Variants in VEPH1 observed in about 807,000 individuals in gnomAD.
The protein encoded by VEPH1 is ventricular zone expressed PH domain containing 1, also known as ventricular zone-expressed PH domain-containing protein homolog 1.
A neutral mutation model predicts 85.2 loss-of-function variants in VEPH1; 80 were observed. That is an observed-to-expected ratio of 0.94 (90% CI 0.78 to 1.13). The LOEUF (loss-of-function observed/expected upper bound fraction) is 1.13, where lower values mean the gene tolerates loss of function less well. Among genes scored for constraint, VEPH1 ranks in the 50% most tolerant of loss-of-function variants. VEPH1 has a pLI of 0.00. For missense variants in VEPH1, 955 were observed against 980.5 expected (o/e 0.97, Z 0.35); for synonymous variants, 297 against 348.0 (o/e 0.85, Z 1.63).
At chr3:157,430,398 T>C (rs1337542519) in intron 4 of VEPH1, among the ~76,000 whole-genome samples, 1 of 152,248 alleles carries the variant, frequency 6.6e-6, no homozygotes, top group Non-Finnish European at 1.5e-5. Flanking sequence ...CAAGAAGCTC[T>C]CCTTCATTTA....
intron 11 of VEPH1, among the ~76,000 whole-genome samples, chr3:157,300,178 T>C (rs1371310698): frequency 6.6e-6 from 1 of 152,018 alleles, no homozygotes; most frequent in Non-Finnish European, 1.5e-5. Context: ...ATATCCATGA[T>C]AGCAGCAAAA....
At chr3:157,479,040 T>C (rs906155262) in intron 2 of VEPH1, among the ~76,000 whole-genome samples, 39 of 152,078 alleles carry the variant, frequency 2.6e-4, no homozygotes, top group African/African-American at 9.2e-4. Context: ...CAAAAAAAAA[T>C]TTTAACCTGT....
chr3:157,491,033 A>T (rs763255128), intron 2 of VEPH1, among the ~76,000 whole-genome samples: 1 of 152,210 alleles, frequency 6.6e-6, no homozygotes, highest in East Asian at 1.9e-4. Context: ...AAGTTTAAAA[A>T]TACAAAATAC....
At chr3:157,423,311 C>G (rs868830193) in intron 5 of VEPH1, among the ~76,000 whole-genome samples, 1 of 152,210 alleles carries the variant, frequency 6.6e-6, no homozygotes, top group African/African-American at 2.4e-5. Context: ...ATTCCCCAGT[C>G]CTCTGCCTGA....
intron 9 of VEPH1, among the ~76,000 whole-genome samples, chr3:157,332,932 A>C (rs1288741801): frequency 6.6e-6 from 1 of 152,188 alleles, no homozygotes; most frequent in Non-Finnish European, 1.5e-5. Context: ...TCACTTTTCC[A>C]GTCACCTGAT....
chr3:157,377,362 T>C (rs1278377529), intron 7 of VEPH1, among the ~76,000 whole-genome samples: 2 of 151,846 alleles, frequency 1.3e-5, no homozygotes, highest in Non-Finnish European at 2.9e-5. Context: ...TGCATTCTCA[T>C]ACATGCAGAC....
intron 11 of VEPH1, among the ~76,000 whole-genome samples, chr3:157,291,933 ATCTC>A (rs893987651): frequency 1.6e-4 from 24 of 152,226 alleles, no homozygotes; most frequent in African/African-American, 5.3e-4. Flanking sequence ...AAAAAAATCT[ATCTC>A]TCTCTCTATA....
chr3:157,300,718 T>C (rs1718694474), intron 11 of VEPH1, among the ~76,000 whole-genome samples: 1 of 152,178 alleles, frequency 6.6e-6, no homozygotes, highest in African/African-American at 2.4e-5. Flanking sequence ...TAATAGTAAA[T>C]AGAACTGTCA....
intron 9 of VEPH1, among the ~76,000 whole-genome samples, chr3:157,336,571 G>A (rs529141484): frequency 7.2e-5 from 11 of 152,230 alleles, no homozygotes; most frequent in African/African-American, 2.4e-4. Context: ...TCCCCTAAGC[G>A]TATACCTTTT....
chr3:157,353,700 G>T (rs967182220), intron 9 of VEPH1, among the ~76,000 whole-genome samples: 1 of 151,788 alleles, frequency 6.6e-6, no homozygotes, highest in African/African-American at 2.4e-5. Flanking sequence ...TTTCTTGGCT[G>T]GCTCTATTTT....
intron 3 of VEPH1, among the ~76,000 whole-genome samples, chr3:157,463,863 G>C (rs1231096030): frequency 6.6e-6 from 1 of 152,196 alleles, no homozygotes; most frequent in Non-Finnish European, 1.5e-5. Flanking sequence ...GGTCAGAGCA[G>C]AGAGAGATCC....
chr3:157,324,036 T>C (rs1415496867), intron 9 of VEPH1, among the ~76,000 whole-genome samples: 1 of 152,176 alleles, frequency 6.6e-6, no homozygotes, highest in African/African-American at 2.4e-5. Context: ...AAAAGTGCTA[T>C]TTGTTAAAGC....
chr3:157,474,564 T>A (rs1194944455), intron 2 of VEPH1, among the ~76,000 whole-genome samples: 1 of 152,218 alleles, frequency 6.6e-6, no homozygotes, highest in Admixed American at 6.5e-5. Flanking sequence ...GTAAAAAATA[T>A]GCCTAGTACA....
At chr3:157,374,115 G>A (rs1384234412) in intron 7 of VEPH1, among the ~76,000 whole-genome samples, 3 of 152,202 alleles carry the variant, frequency 2.0e-5, no homozygotes, top group Admixed American at 2.0e-4. Flanking sequence ...GGTACCACAT[G>A]TCAGACTTAA....
At chr3:157,307,402 C>T (rs907253872) in intron 11 of VEPH1, among the ~76,000 whole-genome samples, 6 of 151,828 alleles carry the variant, frequency 4.0e-5, no homozygotes, top group Non-Finnish European at 7.4e-5. Context: ...ACATTTAAGC[C>T]TTTAATTTAT....
intron 6 of VEPH1, among the ~76,000 whole-genome samples, chr3:157,405,541 TCC>T (rs1731080279): frequency 6.6e-6 from 1 of 151,950 alleles, no homozygotes; most frequent in East Asian, 1.9e-4. Flanking sequence ...GCCGCATCTC[TCC>T]CCCTCCCCTC....
chr3:157,294,714 G>A (rs1413514909), intron 11 of VEPH1, among the ~76,000 whole-genome samples: 1 of 152,184 alleles, frequency 6.6e-6, no homozygotes, highest in Non-Finnish European at 1.5e-5. Flanking sequence ...TTAGTTTAGG[G>A]CTGTGAAAAT....
chr3:157,421,847 T>C (rs1732365084), intron 5 of VEPH1, among the ~76,000 whole-genome samples: 2 of 152,094 alleles, frequency 1.3e-5, no homozygotes, highest in South Asian at 4.1e-4. Context: ...TCCCCCCAGG[T>C]AGGATCCTGG....
chr3:157,470,454 T>G lies in VEPH1; in HGVS notation c.214A>C (p.Thr72Pro). Residue 72 changes from threonine (T) to proline (P), a missense_variant, in exon 3 of 14, where the codon ACC becomes CCC. By Grantham distance (38) the Thr-to-Pro change is conservative. Coordinates refer to ENST00000362010, the MANE Select transcript of VEPH1 (RefSeq NM_001167912.2). ...ITRITTAIRE[T>P]ESIEKHAKAL... is the part of the protein sequence containing the mutation. ...TTTGCATGCTTTTCAATGGACTCGG[T>G]CTCTCTGATGGCTGTTGTGATTCTT... The G allele has an allele frequency of 6.2e-7, 1 of 1,614,214 alleles. No individual in the cohort carries two copies.
Sources: gnomAD v4.1 joint callset for allele counts (sites outside exome capture counted in the v4.1 genomes callset) on GRCh38, gnomAD v4.1.1 for gene constraint, MANE v1.5 for transcripts, NCBI Gene and HGNC (gene_info 2026-07-23, HGNC 2026-07-21) for gene names.